Variants in ABCC8 observed in about 807,000 individuals in gnomAD.
The protein encoded by ABCC8 is ATP binding cassette subfamily C member 8, also known as ATP-binding cassette sub-family C member 8.
A neutral mutation model predicts 188.0 loss-of-function variants in ABCC8; 137 were observed. That is an observed-to-expected ratio of 0.73 (90% CI 0.63 to 0.84). The LOEUF (loss-of-function observed/expected upper bound fraction) is 0.84, where lower values mean the gene tolerates loss of function less well. Among genes scored for constraint, ABCC8 ranks in the 40% least tolerant of loss-of-function variants. The pLI is 0.00. For synonymous variants in ABCC8, 797 were observed against 846.5 expected, an observed-to-expected ratio of 0.94 and a Z score of 1.01; for missense variants, 1,750 against 2,072.7, an observed-to-expected ratio of 0.84 and a Z score of 3.02.
At position 17,442,665 on chromosome 11, in the gene ABCC8, C is replaced by G. The variant is rs915898365; in HGVS notation, c.1630+55G>C. 4.7e-5 allele frequency: 74 copies of G among 1,575,402 alleles called. 1 individual carries two copies. The Middle Eastern group carries it at 8.6e-4, about 18-fold the overall frequency. On this transcript the variant is annotated intron_variant, in intron 10 of 38. Transcript: ENST00000389817. ...CCCCTCTTACCCGAGCTCTGACACCCTCTCCTTGCATGTACGCAGCAGCAC... is the reference window on the plus strand; with the variant it reads ...CCCCTCTTACCCGAGCTCTGACACCGTCTCCTTGCATGTACGCAGCAGCAC...
rs1029945750 is a variant in ABCC8, at chr11:17,436,959, C to T, written c.1631-4715G>A. Among the ~76,000 whole-genome samples, 4 of 151,954 alleles carry T rather than the reference C, an allele frequency of 2.6e-5. No individual in the cohort carries two copies. The South Asian group carries it at 6.2e-4, about 24-fold the overall frequency. ...CCAAAATATTAGCCAGGCGTGGTGG[C>T]GCATACCTGTAATCCTAGCTACTCG... On this transcript the variant is annotated intron_variant, in intron 10 of 38. Coordinates refer to ENST00000389817, the MANE Select transcript of ABCC8 (RefSeq NM_000352.6).
At chr11:17,469,389 A>G (rs1591914301) in intron 3 of ABCC8, among the ~76,000 whole-genome samples, 1 of 151,848 alleles carries the variant, frequency 6.6e-6, no homozygotes, top group South Asian at 2.1e-4. Flanking sequence ...CACGGCAGCC[A>G]GCCCCAGGCT....
At chr11:17,474,774 A>T in intron 2 of ABCC8, 112 bp downstream of exon 2, 1 of 1,206,568 alleles carries the variant, frequency 8.3e-7, no homozygotes, top group Non-Finnish European at 1.2e-6. Context: ...TGCTGGATGT[A>T]GTAACAAAAG....
rs1363642618 is a variant in ABCC8, at chr11:17,474,903, C to T, written c.273G>A (p.Glu91=). Residue 91 remains glutamate (E), a synonymous_variant, in exon 2 of 39, where the codon GAG becomes GAA. Transcript: ENST00000389817. Reference sequence around the variant, plus strand: ...TCACTCACCCATCAGACAGGATGCCCTCTGCAATCTCACACACCAGGACGA... The same window carrying T: ...TCACTCACCCATCAGACAGGATGCCTTCTGCAATCTCACACACCAGGACGA... ...LLFVLVCEIA[E]GILSDGVTES... is the part of the protein sequence containing the mutation. 4.3e-6 allele frequency: 7 copies of T among 1,614,196 alleles called. No individual in the cohort carries two copies. The highest frequency in any genetic ancestry group is 1.7e-4 in the Middle Eastern group (1 of 6,060).
At chr11:17,469,652 G>T (rs2237970) in intron 3 of ABCC8, among the ~76,000 whole-genome samples, 44,216 of 151,764 alleles carry the variant, frequency 0.29, 6,598 homozygotes, top group Middle Eastern at 0.44. Context: ...CTCTCCTGAC[G>T]CCTGCCCTCA....
chr11:17,454,877 C>T (rs1012570678), intron 6 of ABCC8, among the ~76,000 whole-genome samples: 1 of 152,118 alleles, frequency 6.6e-6, no homozygotes, highest in African/African-American at 2.4e-5. Context: ...GTGTCAGTTA[C>T]AGGTTTGTGA....
chr11:17,395,120 A>G (rs1196604984), intron 36 of ABCC8, 52 bp downstream of exon 36: 4 of 1,549,752 alleles, frequency 2.6e-6, no homozygotes, highest in Admixed American at 3.9e-5. Context: ...TGCCATCCTT[A>G]CAGGGTCCTT....
chr11:17,398,270 G>A, intron 30 of ABCC8, 69 bp downstream of exon 30: 2 of 1,574,332 alleles, frequency 1.3e-6, no homozygotes, highest in Admixed American at 3.4e-5. Context: ...TCATCCCCAG[G>A]TACCTGTGTG....
rs117434520 is a variant in ABCC8, at chr11:17,410,270, C to T, written c.2694+246G>A. On this transcript the variant is annotated intron_variant, in intron 22 of 38. Coordinates refer to ENST00000389817, the MANE Select transcript of ABCC8 (RefSeq NM_000352.6). ...ATTCCTGAGACTTCTTGGTGCCAGC[C>T]TTGAGTGTACCATGGGGGGCCCGGG... is the stretch of plus-strand genomic sequence containing the variant. 4,896 of 515,942 alleles carry T rather than the reference C, an allele frequency of 9.5e-3. 33 individuals carry two copies. The highest frequency in any genetic ancestry group is 0.014 in the Non-Finnish European group (3,856 of 285,626). 32.0% of individuals were successfully genotyped at this position (515,942 alleles called of 1,614,324 possible).
chr11:17,430,407 A>C (rs1955790611), intron 12 of ABCC8: 3 of 335,630 alleles, frequency 8.9e-6, no homozygotes, highest in South Asian at 7.6e-5. Context: ...GGCCTGGGAA[A>C]GATAGACACA....
intron 2 of ABCC8, among the ~76,000 whole-genome samples, chr11:17,473,706 C>T (rs1463921597): frequency 6.6e-6 from 1 of 152,216 alleles, no homozygotes; most frequent in East Asian, 1.9e-4. Flanking sequence ...TTTCTGTCTG[C>T]AGTTATTGCT....
intron 16 of ABCC8, among the ~76,000 whole-genome samples, chr11:17,419,500 AT>A (rs1955235580): frequency 6.6e-6 from 1 of 152,246 alleles, no homozygotes; most frequent in Admixed American, 6.5e-5. Flanking sequence ...GTAAACACAA[AT>A]GCATATGCAA....
In ABCC8 at chr11:17,461,746, G is replaced by T; in HGVS notation, c.659C>A (p.Pro220His). 1.2e-6 allele frequency: 2 copies of T among 1,614,182 alleles called. No individual in the cohort carries two copies. Among genetic ancestry groups the T allele is most frequent in the Non-Finnish European group, 1.7e-6 (2 of 1,180,032 alleles). The change falls in exon 5 of 39, where the codon CCC becomes CAC. Residue 220 changes from proline (P) to histidine (H), a missense_variant. By Grantham distance (77) the Pro-to-His change is moderately conservative. Coordinates refer to ENST00000389817, the MANE Select transcript of ABCC8 (RefSeq NM_000352.6). Reference protein sequence around the residue: ...LQDLGVRFLQPFVNLLSKGTY... With the variant: ...LQDLGVRFLQHFVNLLSKGTY... ...GCCTTTGGACAGCAGATTCACGAAG[G>T]GCTGCAGGAAGCGTACCCCCAGGTC... is the stretch of plus-strand genomic sequence containing the variant.
At chr11:17,409,808 A>T (rs997823187) in intron 22 of ABCC8, among the ~76,000 whole-genome samples, 3 of 152,206 alleles carry the variant, frequency 2.0e-5, no homozygotes, top group Non-Finnish European at 1.5e-5. Context: ...CCTACTGAAG[A>T]GTATGGAAAT....
intron 5 of ABCC8, 151 bp downstream of exon 5, chr11:17,461,432 C>T: frequency 1.0e-6 from 1 of 983,872 alleles, no homozygotes; most frequent in Non-Finnish European, 1.6e-6. Flanking sequence ...CCCTGGTTCA[C>T]TGTGTGACTT....
In ABCC8 at chr11:17,414,560, G is replaced by A. The variant is rs762092092; in HGVS notation, c.2342C>T (p.Ala781Val). The A allele has an allele frequency of 6.2e-7, 1 of 1,614,218 alleles. No individual in the cohort carries two copies. The highest frequency in any genetic ancestry group is 1.3e-5 in the African/African-American group (1 of 75,068). ...AAAGATGATGTTCTCCTCCACAGTG[G>A]CATTTAGCAGCCATGGTTTCTGCGA... ...YASQKPWLLN[A>V]TVEENIIFES... is the part of the protein sequence containing the mutation. Residue 781 changes from alanine to valine, a missense_variant, in exon 19 of 39, where the codon GCC becomes GTC. Coordinates refer to ENST00000389817, the MANE Select transcript of ABCC8 (RefSeq NM_000352.6).
chr11:17,443,067 C>T (rs1354712497), intron 9 of ABCC8, 111 bp downstream of exon 9: 34 of 1,516,832 alleles, frequency 2.2e-5, no homozygotes, highest in Admixed American at 5.2e-5. Context: ...AAGTGGCCTA[C>T]TCAAAGTCAA....
At position 17,398,432 on chromosome 11, in the gene ABCC8, G is replaced by A. The variant is rs1954057293; in HGVS notation, c.3660C>T (p.Ala1220=). Residue 1220 remains alanine (A), a synonymous_variant, in exon 30 of 39, where the codon GCC becomes GCT. Coordinates refer to ENST00000389817, the MANE Select transcript of ABCC8 (RefSeq NM_000352.6). ...LTTIRAFRYE[A]RFQQKLLEYT... ...ATTCGAGAAGCTTCTGCTGGAACCG[G>A]GCCTCATACCTGGAGGGAGGATGAG... 4 of 1,614,066 alleles carry A rather than the reference G, an allele frequency of 2.5e-6. No individual in the cohort carries two copies. The highest frequency in any genetic ancestry group is 1.1e-5 in the South Asian group (1 of 91,074).
intron 17 of ABCC8, among the ~76,000 whole-genome samples, chr11:17,416,609 C>T (rs994843689): frequency 6.6e-6 from 1 of 152,146 alleles, no homozygotes; most frequent in African/African-American, 2.4e-5. Flanking sequence ...AGTCCCTTCC[C>T]TCTCTCTCCC....
Sources: allele counts gnomAD v4.1 joint callset (sites outside exome capture counted in the v4.1 genomes callset), GRCh38; gene constraint gnomAD v4.1.1; transcripts MANE v1.5; gene names NCBI Gene and HGNC (gene_info 2026-07-23, HGNC 2026-07-21).